Variants in NRG3 observed in about 807,000 individuals in gnomAD.
The protein encoded by NRG3 is neuregulin 3, also known as pro-neuregulin-3, membrane-bound isoform.
In NRG3, 31 loss-of-function variants were observed where a neutral mutation model predicts 66.9. That is an observed-to-expected ratio of 0.46 (90% CI 0.35 to 0.63). The LOEUF (loss-of-function observed/expected upper bound fraction) is 0.63. NRG3 is among the 20% of genes least tolerant of loss of function. The pLI is 0.00. For synonymous variants in NRG3, 393 were observed against 359.4 expected (o/e 1.09, Z -1.06); for missense variants, 910 against 878.9 (o/e 1.04, Z -0.45).
chr10:82,140,484 C>A (rs1264765783), intron 1 of NRG3, among the ~76,000 whole-genome samples: 1 of 152,152 alleles, frequency 6.6e-6, no homozygotes, highest in Non-Finnish European at 1.5e-5. Context: ...TTTTGTTTGG[C>A]AATGGCATTT....
At chr10:82,828,697 G>A (rs577541914) in intron 3 of NRG3, among the ~76,000 whole-genome samples, 2 of 152,310 alleles carry the variant, frequency 1.3e-5, no homozygotes, top group African/African-American at 4.8e-5. Flanking sequence ...TGAATGAAAA[G>A]TGAATATTAT....
intron 3 of NRG3, among the ~76,000 whole-genome samples, chr10:82,793,363 G>A (rs566150052): frequency 6.6e-5 from 10 of 152,054 alleles, no homozygotes; most frequent in Admixed American, 2.0e-4. Context: ...GTAATTGGAC[G>A]TATCTGTGCT....
At chr10:82,489,764 ATTC>A (rs1260137452) in intron 2 of NRG3, among the ~76,000 whole-genome samples, 2 of 152,196 alleles carry the variant, frequency 1.3e-5, no homozygotes, top group African/African-American at 2.4e-5. Flanking sequence ...ACTTTATTGT[ATTC>A]TTATCAAAAT....
At chr10:82,339,828 G>A (rs1395209881) in intron 1 of NRG3, among the ~76,000 whole-genome samples, 1 of 151,712 alleles carries the variant, frequency 6.6e-6, no homozygotes, top group East Asian at 1.9e-4. Flanking sequence ...GCCATGTCTA[G>A]GAAGTTGTAT....
intron 2 of NRG3, among the ~76,000 whole-genome samples, chr10:82,463,902 G>A (rs2091639007): frequency 6.6e-6 from 1 of 152,220 alleles, no homozygotes; most frequent in African/African-American, 2.4e-5. Flanking sequence ...GAGAGTGGCA[G>A]TTGCTGGATA....
At chr10:82,328,809 G>A (rs753718227) in intron 1 of NRG3, among the ~76,000 whole-genome samples, 6 of 152,290 alleles carry the variant, frequency 3.9e-5, no homozygotes, top group Middle Eastern at 3.4e-3. Context: ...TGCCAGAGGG[G>A]AAGATGTAGG....
chr10:82,243,452 C>T (rs182130181), intron 1 of NRG3, among the ~76,000 whole-genome samples: 6 of 151,928 alleles, frequency 3.9e-5, no homozygotes, highest in Admixed American at 6.6e-5. Flanking sequence ...TTTAAAAAGA[C>T]AAGCTGAAGG....
chr10:82,891,287 G>T (rs745400844), intron 4 of NRG3, among the ~76,000 whole-genome samples: 15 of 151,702 alleles, frequency 9.9e-5, no homozygotes, highest in Non-Finnish European at 2.1e-4. Flanking sequence ...TTCTTTCTGT[G>T]CATGGACATT....
intron 1 of NRG3, among the ~76,000 whole-genome samples, chr10:81,975,065 T>C (rs538689104): frequency 2.0e-5 from 3 of 150,766 alleles, no homozygotes; most frequent in Admixed American, 6.6e-5. Context: ...TGTGGACATA[T>C]AGCTCTACAC....
intron 3 of NRG3, among the ~76,000 whole-genome samples, chr10:82,773,565 G>C (rs769756205): frequency 3.3e-5 from 5 of 151,992 alleles, no homozygotes; most frequent in Non-Finnish European, 4.4e-5. Flanking sequence ...TGTTTCATTT[G>C]CTGTGTAGAA....
intron 2 of NRG3, among the ~76,000 whole-genome samples, chr10:82,490,451 C>T (rs1341965827): frequency 7.9e-5 from 12 of 152,120 alleles, no homozygotes. Flanking sequence ...CAGTCTTTCT[C>T]CTACCTTGCT....
intron 3 of NRG3, among the ~76,000 whole-genome samples, chr10:82,793,992 C>T (rs769132124): frequency 1.1e-4 from 16 of 152,150 alleles, no homozygotes; most frequent in Non-Finnish European, 1.9e-4. Flanking sequence ...TTAGCTACCA[C>T]TGTCTGCTTT....
intron 4 of NRG3, among the ~76,000 whole-genome samples, chr10:82,939,627 G>A (rs1385235232): frequency 6.6e-6 from 1 of 151,598 alleles, no homozygotes. Context: ...CCACCACCAC[G>A]CCCTGCTAAT....
intron 2 of NRG3, among the ~76,000 whole-genome samples, chr10:82,590,346 A>G (rs958615406): frequency 2.0e-5 from 3 of 152,210 alleles, no homozygotes; most frequent in Non-Finnish European, 2.9e-5. Flanking sequence ...GTAATTTATT[A>G]TGAGACACAC....
chr10:82,072,027 T>G (rs541289872), intron 1 of NRG3, among the ~76,000 whole-genome samples: 1 of 152,324 alleles, frequency 6.6e-6, no homozygotes, highest in African/African-American at 2.4e-5. Flanking sequence ...TATTTGTTCT[T>G]CCAATGGTTC....
chr10:82,029,935 A>G (rs888543423), intron 1 of NRG3, among the ~76,000 whole-genome samples: 2 of 152,158 alleles, frequency 1.3e-5, no homozygotes, highest in East Asian at 1.9e-4. Context: ...AGAATCACCT[A>G]AAGTATAAGA....
intron 2 of NRG3, among the ~76,000 whole-genome samples, chr10:82,557,007 A>C (rs550454940): frequency 2.6e-5 from 4 of 152,274 alleles, no homozygotes; most frequent in Admixed American, 2.6e-4. Context: ...TCCATGTTGT[A>C]CATGTACCAC....
chr10:82,307,102 C>T (rs540157840), intron 1 of NRG3, among the ~76,000 whole-genome samples: 1 of 151,812 alleles, frequency 6.6e-6, no homozygotes, highest in East Asian at 1.9e-4. Context: ...GTGCTATTGT[C>T]AATTTTTGTT....
At chr10:82,612,939 T>G (rs1238389018) in intron 2 of NRG3, among the ~76,000 whole-genome samples, 1 of 152,196 alleles carries the variant, frequency 6.6e-6, no homozygotes, top group Non-Finnish European at 1.5e-5. Flanking sequence ...TACTAATATC[T>G]CTTAGAATAT....
Sources: gnomAD v4.1 joint callset for allele counts (sites outside exome capture counted in the v4.1 genomes callset) on GRCh38, gnomAD v4.1.1 for gene constraint, MANE v1.5 for transcripts, NCBI Gene and HGNC (gene_info 2026-07-23, HGNC 2026-07-21) for gene names.